ADGRL2: variants seen among roughly 807,000 people sequenced by gnomAD.
ADGRL2 encodes the protein calcium-independent alpha-latrotoxin receptor 2.
ADGRL2 carries 44 observed loss-of-function variants against 157.4 expected under a neutral mutation model. The observed-to-expected ratio is 0.28, with a 90% CI of 0.22 to 0.36. ADGRL2 has a LOEUF of 0.36. Among genes scored for constraint, ADGRL2 ranks in the 10% least tolerant of loss-of-function variants. The pLI, the probability that ADGRL2 is intolerant of heterozygous loss-of-function variation, is 1.00. For missense variants in ADGRL2, 1,510 were observed against 1,768.9 expected (o/e 0.85, Z 2.63); for synonymous variants, 585 against 624.7 (o/e 0.94, Z 0.95).
chr1:81,970,183 G>A (rs1658306040), intron 15 of ADGRL2, 131 bp from the exon 16 acceptor site: 1 of 676,528 alleles, frequency 1.5e-6, no homozygotes, highest in South Asian at 1.7e-5. Context: ...TTTTCAGGAA[G>A]CATTAGTTTA....
Position 81,324,820 on chromosome 1 carries a change from G to A in ADGRL2, c.-302+18311G>A, listed in dbSNP as rs192399527. Among the ~76,000 whole-genome samples, 664 of 152,082 alleles carry A rather than the reference G, an allele frequency of 4.4e-3. 4 individuals are homozygous for A. Among genetic ancestry groups the A allele is most frequent in the African/African-American group, 0.014 (579 of 41,502 alleles). On this transcript the variant is annotated intron_variant, in intron 1 of 24. Transcript: ENST00000370721. ...CAACCTCTGCCTCCCAGGTTCAAGC[G>A]ATTCCCCTGCTTCAGTCTCCCAGGT...
intron 2 of ADGRL2, among the ~76,000 whole-genome samples, chr1:81,840,601 A>C (rs1028630752): frequency 6.6e-6 from 1 of 152,082 alleles, no homozygotes; most frequent in African/African-American, 2.4e-5. Flanking sequence ...ATATCTATCT[A>C]TCTCTATTTT....
intron 2 of ADGRL2, among the ~76,000 whole-genome samples, chr1:81,533,442 T>G (rs1168251497): frequency 1.3e-5 from 2 of 152,154 alleles, no homozygotes; most frequent in Non-Finnish European, 2.9e-5. Flanking sequence ...GCTCTCACAT[T>G]CTTTTGCTCT....
chr1:81,388,645 A>T (rs1175940373), intron 1 of ADGRL2, among the ~76,000 whole-genome samples: 1 of 152,148 alleles, frequency 6.6e-6, no homozygotes, highest in African/African-American at 2.4e-5. Flanking sequence ...TGCCCTTTCA[A>T]CATGAGAGGG....
chr1:81,740,799 T>G (rs1436539880), intron 1 of ADGRL2, among the ~76,000 whole-genome samples: 5 of 152,114 alleles, frequency 3.3e-5, no homozygotes, highest in Admixed American at 3.3e-4. Flanking sequence ...AATAGGAAGC[T>G]TTTGAGAGAA....
chr1:81,613,092 C>T (rs931920844), intron 3 of ADGRL2, among the ~76,000 whole-genome samples: 7 of 152,124 alleles, frequency 4.6e-5, no homozygotes, highest in Non-Finnish European at 1.0e-4. Flanking sequence ...ACTCTGGAAG[C>T]AGTTTGAATC....
chr1:81,523,042 A>G (rs976761955), intron 2 of ADGRL2, among the ~76,000 whole-genome samples: 10 of 134,286 alleles, frequency 7.4e-5, no homozygotes, highest in African/African-American at 3.1e-4. Context: ...CAACACAGAA[A>G]AAAAGTTACC....
At chr1:81,794,210 A>G (rs2087480643) in intron 2 of ADGRL2, among the ~76,000 whole-genome samples, 1 of 152,188 alleles carries the variant, frequency 6.6e-6, no homozygotes, top group African/African-American at 2.4e-5. Context: ...TTAAAAATAT[A>G]TAGTTTGAAT....
intron 11 of ADGRL2, among the ~76,000 whole-genome samples, chr1:81,960,057 C>G (rs1654835886): frequency 6.6e-6 from 1 of 152,172 alleles, no homozygotes; most frequent in African/African-American, 2.4e-5. Flanking sequence ...ACCTTGGCCT[C>G]CCAAAGCGCT....
chr1:81,466,984 C>T (rs2078069361), intron 2 of ADGRL2, among the ~76,000 whole-genome samples: 1 of 150,724 alleles, frequency 6.6e-6, no homozygotes, highest in South Asian at 2.1e-4. Flanking sequence ...TGCCGTCTTC[C>T]TTTCTTCCTT....
At chr1:81,609,590 C>T (rs181375149) in intron 3 of ADGRL2, among the ~76,000 whole-genome samples, 3 of 152,192 alleles carry the variant, frequency 2.0e-5, no homozygotes, top group East Asian at 3.9e-4. Flanking sequence ...TGATAAAACC[C>T]GTTCTGTGTC....
At chr1:81,556,448 G>C (rs529819815) in intron 2 of ADGRL2, among the ~76,000 whole-genome samples, 122 of 151,106 alleles carry the variant, frequency 8.1e-4, no homozygotes, top group Non-Finnish European at 1.1e-3. Context: ...AAAGTGCTGG[G>C]ATTACAGGCG....
exon 1 of ADGRL2, chr1:81,306,374 A>G (rs1384361771): frequency 2.6e-5 from 4 of 152,092 alleles, no homozygotes; most frequent in Admixed American, 2.0e-4. Flanking sequence ...TCCTCCCATT[A>G]TATTTTTCCC....
chr1:81,750,514 C>CA (rs1314951336), intron 1 of ADGRL2, among the ~76,000 whole-genome samples: 2 of 152,048 alleles, frequency 1.3e-5, no homozygotes, highest in East Asian at 3.9e-4. Flanking sequence ...GTCAGGATTT[C>CA]AAGACCAGCC....
At chr1:81,451,089 C>T (rs1421826894) in intron 2 of ADGRL2, among the ~76,000 whole-genome samples, 2 of 152,096 alleles carry the variant, frequency 1.3e-5, no homozygotes, top group Non-Finnish European at 2.9e-5. Flanking sequence ...ACTTCATGTT[C>T]TTACACACTC....
chr1:81,736,799 G>A (rs1410530207), intron 1 of ADGRL2, among the ~76,000 whole-genome samples: 2 of 151,986 alleles, frequency 1.3e-5, no homozygotes, highest in East Asian at 1.9e-4. Context: ...CTATTTATAA[G>A]GTTTGCCTTT....
At chr1:81,525,324 CT>C (rs545415874) in intron 2 of ADGRL2, among the ~76,000 whole-genome samples, 133 of 146,376 alleles carry the variant, frequency 9.1e-4, no homozygotes, top group African/African-American at 1.4e-3. Context: ...CCAAAGTGCA[CT>C]TTTTTTTTTT....
chr1:81,543,576 C>T (rs1446104640), intron 2 of ADGRL2, among the ~76,000 whole-genome samples: 1 of 152,142 alleles, frequency 6.6e-6, no homozygotes, highest in Admixed American at 6.5e-5. Context: ...CTTCTTATCC[C>T]TTCTGCTGCT....
intron 11 of ADGRL2, among the ~76,000 whole-genome samples, chr1:81,963,322 A>C (rs1303322584): frequency 1.3e-5 from 2 of 152,016 alleles, no homozygotes; most frequent in Admixed American, 6.6e-5. Context: ...CGTTATTACT[A>C]TGTAGTTAAT....
Sources: gnomAD v4.1 joint callset for allele counts (sites outside exome capture counted in the v4.1 genomes callset) on GRCh38, gnomAD v4.1.1 for gene constraint, MANE v1.5 for transcripts, NCBI Gene and HGNC (gene_info 2026-07-23, HGNC 2026-07-21) for gene names.